KIF26B: variants seen among roughly 807,000 people sequenced by gnomAD.
KIF26B encodes kinesin-like protein KIF26B.
A neutral mutation model predicts 151.2 loss-of-function variants in KIF26B; 63 were observed. The ratio of observed to expected loss-of-function variants is 0.42; its 90% CI spans 0.34 to 0.51. KIF26B has a LOEUF of 0.51. Among genes scored for constraint, KIF26B ranks in the 20% least tolerant of loss-of-function variants. The pLI, the probability that KIF26B is intolerant of heterozygous loss-of-function variation, is 0.07. For synonymous variants in KIF26B, 1,357 were observed against 1,262.1 expected (o/e 1.08, Z -1.59); for missense variants, 2,813 against 2,913.6 (o/e 0.97, Z 0.79).
At chr1:245,371,082 G>A (rs1312144938) in intron 3 of KIF26B, among the ~76,000 whole-genome samples, 2 of 152,168 alleles carry the variant, frequency 1.3e-5, no homozygotes, top group Non-Finnish European at 2.9e-5. Context: ...CCAACTTGTG[G>A]TCATCCTGGG....
chr1:245,333,236 C>T (rs556488351), intron 2 of KIF26B, among the ~76,000 whole-genome samples: 1 of 152,334 alleles, frequency 6.6e-6, no homozygotes, highest in East Asian at 1.9e-4. Flanking sequence ...GTGGTCTCTA[C>T]ATACAATAGA....
At chr1:245,635,398 C>A (rs996664000) in intron 9 of KIF26B, among the ~76,000 whole-genome samples, 1 of 152,038 alleles carries the variant, frequency 6.6e-6, no homozygotes, top group African/African-American at 2.4e-5. Flanking sequence ...TCCATTCTTA[C>A]ACATTGTTTA....
chr1:245,692,768 C>A (rs2044643421), intron 12 of KIF26B, among the ~76,000 whole-genome samples: 1 of 152,218 alleles, frequency 6.6e-6, no homozygotes, highest in East Asian at 1.9e-4. Flanking sequence ...GGCTCTTGAC[C>A]AACAACGTGA....
At chr1:245,456,607 T>C (rs997221686) in intron 4 of KIF26B, among the ~76,000 whole-genome samples, 1 of 152,252 alleles carries the variant, frequency 6.6e-6, no homozygotes, top group African/African-American at 2.4e-5. Flanking sequence ...TGCTAAATTT[T>C]TTTCTGTGGC....
At position 245,434,628 on chromosome 1, in the gene KIF26B, G is replaced by T. The variant is rs148461442; in HGVS notation, c.1166+14883G>T. Among the ~76,000 whole-genome samples the T allele has an allele frequency of 5.8e-3, 883 of 152,278 alleles. 11 individuals carry two copies. The highest frequency in any genetic ancestry group is 0.021 in the African/African-American group (855 of 41,558). Reference sequence around the variant, plus strand: ...TTTCCTCTGGCTGTGGGAGCCCCCTGCACCCACACAGGGGGCAGGCCACTT... The same window carrying T: ...TTTCCTCTGGCTGTGGGAGCCCCCTTCACCCACACAGGGGGCAGGCCACTT... On this transcript the variant is annotated intron_variant, in intron 4 of 14. Coordinates refer to ENST00000407071, the MANE Select transcript of KIF26B (RefSeq NM_018012.4).
chr1:245,680,492 A>ACC (rs1177513886), intron 10 of KIF26B, among the ~76,000 whole-genome samples: 1 of 152,120 alleles, frequency 6.6e-6, no homozygotes, highest in Non-Finnish European at 1.5e-5. Context: ...TAAACATTTT[A>ACC]CCATGTGATT....
chr1:245,684,023 A>C (rs1558268555), intron 10 of KIF26B, among the ~76,000 whole-genome samples: 2 of 152,266 alleles, frequency 1.3e-5, no homozygotes, highest in Non-Finnish European at 2.9e-5. Flanking sequence ...TGCTTTGCAC[A>C]GATTCCATCT....
At chr1:245,618,401 G>A (rs1221453212) in intron 9 of KIF26B, among the ~76,000 whole-genome samples, 2 of 151,276 alleles carry the variant, frequency 1.3e-5, no homozygotes, top group Non-Finnish European at 2.9e-5. Flanking sequence ...CACCGTCCTG[G>A]GGCTATGTCC....
intron 5 of KIF26B, among the ~76,000 whole-genome samples, chr1:245,567,751 CA>C (rs569788077): frequency 6.6e-6 from 1 of 152,136 alleles, no homozygotes; most frequent in Non-Finnish European, 1.5e-5. Flanking sequence ...AGCTGCATCC[CA>C]GGACAAAACT....
intron 2 of KIF26B, among the ~76,000 whole-genome samples, chr1:245,197,358 C>T (rs897918605): frequency 6.6e-6 from 1 of 152,156 alleles, no homozygotes; most frequent in Non-Finnish European, 1.5e-5. Context: ...ATTAATCAGC[C>T]AGGAAGATCT....
At chr1:245,426,629 C>T (rs1389963696) in intron 4 of KIF26B, among the ~76,000 whole-genome samples, 5 of 152,198 alleles carry the variant, frequency 3.3e-5, no homozygotes, top group Middle Eastern at 3.2e-3. Context: ...TGACCAGTAT[C>T]CCCTTGGGTC....
Position 245,540,934 on chromosome 1 carries a change from C to T in KIF26B, c.1334C>T (p.Thr445Ile). The change falls in exon 5 of 15, where the codon ACC (threonine) becomes ATC (isoleucine). Residue 445 changes from threonine to isoleucine, a missense_variant. This residue lies in a region of KIF26B where 676 missense variants were observed against 688.1 expected (regional missense o/e 0.98). Coordinates refer to ENST00000407071, the MANE Select transcript of KIF26B (RefSeq NM_018012.4). This position sits in a 1 kb window ranked among gnomAD's most constrained non-coding sequence, Gnocchi z 4.6. ...AGGGCTGTCAACAAGGTGAAGGACA[C>T]CCCGGGGCTGGGCAAGGTAGGACCA... ...LLRAVNKVKD[T>I]PGLGKVKVML... is the part of the protein sequence containing the mutation. 6.2e-7 allele frequency: 1 copy of T among 1,613,224 alleles called. No homozygotes were observed. Among genetic ancestry groups the T allele is most frequent in the Non-Finnish European group, 8.5e-7 (1 of 1,179,338 alleles).
Position 245,502,003 on chromosome 1 carries a change from G to A in KIF26B, c.1167-38764G>A, listed in dbSNP as rs557274811. 3.9e-5 allele frequency among the ~76,000 whole-genome samples: 6 copies of A among 152,282 alleles called. No homozygotes were observed. In the South Asian group the frequency reaches 8.3e-4, roughly 21 times the overall value. On this transcript the variant is annotated intron_variant, in intron 4 of 14. Coordinates refer to ENST00000407071, the MANE Select transcript of KIF26B (RefSeq NM_018012.4). The stretch of plus-strand genomic sequence containing the variant: ...TTTCATACAAACCAATGAAGGCGGC[G>A]TGCACTTCAGATGAGCAAACACCAG...
intron 2 of KIF26B, among the ~76,000 whole-genome samples, chr1:245,273,114 A>T (rs553172331): frequency 2.6e-5 from 4 of 151,894 alleles, no homozygotes; most frequent in African/African-American, 9.7e-5. Context: ...TCTATACATT[A>T]TTGAAAGTGG....
At chr1:245,332,684 G>A (rs1672138432) in intron 2 of KIF26B, among the ~76,000 whole-genome samples, 1 of 152,158 alleles carries the variant, frequency 6.6e-6, no homozygotes, top group Admixed American at 6.5e-5. Flanking sequence ...GGTCCCTTAT[G>A]TGTGTCATGC....
intron 2 of KIF26B, among the ~76,000 whole-genome samples, chr1:245,265,959 A>T (rs900799969): frequency 6.6e-6 from 1 of 152,208 alleles, no homozygotes; most frequent in Admixed American, 6.5e-5. Context: ...TGAATTAATG[A>T]TTGCTAAATT....
chr1:245,299,320 GTTTTTTT>G (rs55957858), intron 2 of KIF26B, among the ~76,000 whole-genome samples: 7 of 103,186 alleles, frequency 6.8e-5, no homozygotes, highest in African/African-American at 2.1e-4. Flanking sequence ...CCAATTCTGG[GTTTTTTT>G]TTTTTTTTTT....
At chr1:245,225,942 T>G (rs41304016) in intron 2 of KIF26B, 144 of 152,308 alleles carry the variant, frequency 9.5e-4, no homozygotes, top group African/African-American at 3.1e-3. Flanking sequence ...GGGAACAAAC[T>G]CTTGGCAAAT....
intron 3 of KIF26B, among the ~76,000 whole-genome samples, chr1:245,409,606 A>G (rs193145523): frequency 6.6e-6 from 1 of 152,212 alleles, no homozygotes. Context: ...AATGCTGTGG[A>G]TGGATAATTT....
Sources: allele counts gnomAD v4.1 joint callset (sites outside exome capture counted in the v4.1 genomes callset), GRCh38; gene constraint gnomAD v4.1.1; regional missense constraint gnomAD v4.1.1; non-coding constraint Gnocchi (gnomAD v3.1); transcripts MANE v1.5; gene names NCBI Gene and HGNC (gene_info 2026-07-23, HGNC 2026-07-21).